Variants in CNTN1 observed in about 807,000 individuals in gnomAD.
CNTN1 encodes the protein contactin 1, also known as contactin-1.
In CNTN1, 38 loss-of-function variants were observed where a neutral mutation model predicts 126.4. That is an observed-to-expected ratio of 0.30 (90% CI 0.23 to 0.39). The LOEUF (loss-of-function observed/expected upper bound fraction) is 0.39, where lower values mean the gene tolerates loss of function less well. Among genes scored for constraint, CNTN1 ranks in the 10% least tolerant of loss-of-function variants. The probability of loss-of-function intolerance (pLI) is 1.00; values close to 1 mark genes in which losing one functional copy is unlikely to be tolerated. For missense variants in CNTN1, 1,009 were observed against 1,248.4 expected (o/e 0.81, Z 2.89); for synonymous variants, 413 against 422.6 (o/e 0.98, Z 0.28).
chr12:41,054,282 G>T (rs1455892435), intron 23 of CNTN1, among the ~76,000 whole-genome samples: 1 of 151,758 alleles, frequency 6.6e-6, no homozygotes, highest in African/African-American at 2.4e-5. Context: ...CTATATTACA[G>T]GCACTAGTAA....
intron 1 of CNTN1, among the ~76,000 whole-genome samples, chr12:40,829,068 G>T (rs1045102667): frequency 3.9e-5 from 6 of 152,046 alleles, no homozygotes; most frequent in Admixed American, 2.6e-4. Flanking sequence ...GAAAAACACA[G>T]TACTATACGA....
At chr12:40,715,117 T>C (rs1942017527) in intron 1 of CNTN1, among the ~76,000 whole-genome samples, 2 of 152,210 alleles carry the variant, frequency 1.3e-5, no homozygotes, top group Non-Finnish European at 2.9e-5. Context: ...TTGTTAAGCA[T>C]AAATGTACAT....
At chr12:40,799,518 C>G (rs1331584308) in intron 1 of CNTN1, among the ~76,000 whole-genome samples, 1 of 151,770 alleles carries the variant, frequency 6.6e-6, no homozygotes. Context: ...AGAACATAAC[C>G]CTTGTGTTTC....
At chr12:41,060,005 CTGAG>C (rs1432480867) in intron 23 of CNTN1, among the ~76,000 whole-genome samples, 2 of 151,698 alleles carry the variant, frequency 1.3e-5, no homozygotes, top group Non-Finnish European at 2.9e-5. Flanking sequence ...ACTCAGGCAA[CTGAG>C]TGAGTTTGTC....
At chr12:40,918,110 CTG>C (rs1375658897) in intron 3 of CNTN1, among the ~76,000 whole-genome samples, 1 of 152,142 alleles carries the variant, frequency 6.6e-6, no homozygotes, top group Non-Finnish European at 1.5e-5. Flanking sequence ...ACGTAGCCAC[CTG>C]TTCTCAAGCA....
Position 41,025,343 on chromosome 12 carries a change from CTCACGT to C in CNTN1, c.2710+9_2710+14del. On this transcript the variant is annotated splice_region_variant and intron_variant, in intron 21 of 23. Coordinates refer to ENST00000551295, the MANE Select transcript of CNTN1 (RefSeq NM_001843.4). Reference sequence around the variant, plus strand: ...GCTTTCACCAAGAAAGCACGTGAGTCTCACGTTTTGTTTTTAGACTTGTCAAAAACT... The same window carrying C: ...GCTTTCACCAAGAAAGCACGTGAGTCTTTGTTTTTAGACTTGTCAAAAACT... 1 of 1,612,802 alleles carries C rather than the reference CTCACGT, an allele frequency of 6.2e-7. No homozygotes were observed. The highest frequency in any genetic ancestry group is 8.5e-7 in the Non-Finnish European group (1 of 1,178,972).
chr12:41,027,995 G>A (rs769079456), intron 22 of CNTN1, 26 bp downstream of exon 22: 17 of 1,459,352 alleles, frequency 1.2e-5, no homozygotes, highest in Admixed American at 6.7e-5. Context: ...GATGATTAAT[G>A]TTTGCAATTC....
intron 19 of CNTN1, 37 bp downstream of exon 19, chr12:41,016,953 G>T: frequency 6.5e-7 from 1 of 1,536,098 alleles, no homozygotes; most frequent in Non-Finnish European, 9.0e-7. Flanking sequence ...TGAGGAGGGA[G>T]GAAAAACGTA....
intron 1 of CNTN1, among the ~76,000 whole-genome samples, chr12:40,808,590 T>C (rs1244392351): frequency 6.6e-6 from 1 of 152,212 alleles, no homozygotes; most frequent in East Asian, 1.9e-4. Context: ...TATCATTTAA[T>C]TATTAATGAT....
At chr12:40,877,988 C>CTTTTTTTTTTTT (rs199626249) in intron 1 of CNTN1, among the ~76,000 whole-genome samples, 5 of 109,340 alleles carry the variant, frequency 4.6e-5, no homozygotes, top group Non-Finnish European at 7.6e-5. Flanking sequence ...CAGTTTTTTC[C>CTTTTTTTTTTTT]TTTTTTTTTT....
Position 40,926,443 on chromosome 12 carries a change from A to G in CNTN1, c.496+1791A>G, listed in dbSNP as rs11830143. Among the ~76,000 whole-genome samples the G allele has an allele frequency of 1.3e-3, 193 of 152,248 alleles. 2 individuals are homozygous for G. The highest frequency in any genetic ancestry group is 4.3e-3 in the African/African-American group (180 of 41,556). Reference sequence around the variant, plus strand: ...AGAGTGAATAAGGCAGAGGGTAGTAAGAAATGAAATAAGAGAGGTACAAGA... The same window carrying G: ...AGAGTGAATAAGGCAGAGGGTAGTAGGAAATGAAATAAGAGAGGTACAAGA... On this transcript the variant is annotated intron_variant, in intron 6 of 23. Coordinates refer to ENST00000551295, the MANE Select transcript of CNTN1 (RefSeq NM_001843.4).
At chr12:40,836,266 T>A (rs1942056746) in intron 1 of CNTN1, among the ~76,000 whole-genome samples, 2 of 147,978 alleles carry the variant, frequency 1.4e-5, no homozygotes, top group African/African-American at 2.5e-5. Flanking sequence ...ATAATACATA[T>A]AATATGTATG....
chr12:40,760,760 T>A (rs1223744080), intron 1 of CNTN1, among the ~76,000 whole-genome samples: 1 of 152,096 alleles, frequency 6.6e-6, no homozygotes, highest in Non-Finnish European at 1.5e-5. Context: ...TGAACTCTAT[T>A]TTTTTATCCC....
At chr12:40,985,506 T>G (rs1947935624) in intron 16 of CNTN1, among the ~76,000 whole-genome samples, 1 of 152,174 alleles carries the variant, frequency 6.6e-6, no homozygotes, top group Non-Finnish European at 1.5e-5. Flanking sequence ...TTGCTCTTCA[T>G]TTTACTTTGA....
At chr12:40,706,944 T>A (rs2121140816) in intron 1 of CNTN1, among the ~76,000 whole-genome samples, 1 of 152,320 alleles carries the variant, frequency 6.6e-6, no homozygotes, top group South Asian at 2.1e-4. Context: ...CTGTTGCTTC[T>A]AAGAGCACAT....
intron 1 of CNTN1, among the ~76,000 whole-genome samples, chr12:40,778,697 A>T (rs1939681962): frequency 6.6e-6 from 1 of 151,864 alleles, no homozygotes; most frequent in Non-Finnish European, 1.5e-5. Context: ...TAACCAAAAA[A>T]AACCTAAGAC....
chr12:40,868,611 C>T (rs1943380604), intron 1 of CNTN1, among the ~76,000 whole-genome samples: 1 of 152,124 alleles, frequency 6.6e-6, no homozygotes, highest in Admixed American at 6.6e-5. Flanking sequence ...GAACTACTTT[C>T]ACCTCCTTAA....
chr12:40,830,962 TAC>T (rs1297195037), intron 1 of CNTN1, among the ~76,000 whole-genome samples: 8 of 128,798 alleles, frequency 6.2e-5, no homozygotes, highest in African/African-American at 1.2e-4. Flanking sequence ...TATATATATA[TAC>T]ACACACACAC....
Position 40,991,110 on chromosome 12 carries a change from C to A in CNTN1, c.1964-2010C>A, listed in dbSNP as rs901747415. 9.9e-5 allele frequency among the ~76,000 whole-genome samples: 15 copies of A among 152,140 alleles called. No homozygotes were observed. The South Asian group carries it at 1.0e-3, about 11-fold the overall frequency. On this transcript the variant is annotated intron_variant, in intron 16 of 23. Transcript: ENST00000551295. The stretch of plus-strand genomic sequence containing the variant: ...AATTTACTCTCTCATAGTTTGGAGA[C>A]CAAAATCAAGGTGGTGGCAGGGCTG...
Sources: allele counts gnomAD v4.1 joint callset (sites outside exome capture counted in the v4.1 genomes callset), GRCh38; gene constraint gnomAD v4.1.1; transcripts MANE v1.5; gene names NCBI Gene and HGNC (gene_info 2026-07-23, HGNC 2026-07-21).